Variants in HPSE2 observed in about 807,000 individuals in gnomAD.
HPSE2 encodes heparanase 2 (inactive), also known as inactive heparanase-2.
Under a neutral mutation model 60.5 loss-of-function variants are expected in HPSE2, and 38 were observed. The ratio of observed to expected loss-of-function variants is 0.63; its 90% CI spans 0.48 to 0.82. HPSE2 has a LOEUF of 0.82. Ranked by LOEUF, HPSE2 falls within the 40% of genes least tolerant of loss-of-function variation. HPSE2 has a pLI of 0.00. For missense variants in HPSE2, 713 were observed against 740.4 expected (o/e 0.96, Z 0.43); for synonymous variants, 295 against 293.2 (o/e 1.01, Z -0.06).
At chr10:98,749,059 CA>C (rs1949693752) in intron 3 of HPSE2, among the ~76,000 whole-genome samples, 4 of 151,936 alleles carry the variant, frequency 2.6e-5, no homozygotes, top group Non-Finnish European at 5.9e-5. Flanking sequence ...AGAGAAGAAC[CA>C]GATTGTTTTT....
chr10:99,111,707 CTG>C (rs2135680278), intron 3 of HPSE2, among the ~76,000 whole-genome samples: 1 of 152,310 alleles, frequency 6.6e-6, no homozygotes, highest in East Asian at 1.9e-4. Context: ...TTGAAGAAAA[CTG>C]TGCTGCTATG....
chr10:98,687,507 T>C (rs1947947613), intron 6 of HPSE2, among the ~76,000 whole-genome samples: 1 of 152,220 alleles, frequency 6.6e-6, no homozygotes, highest in African/African-American at 2.4e-5. Context: ...TAAAGTCAGA[T>C]GATTAGCAAC....
rs11189888 is a variant in HPSE2 at position 98,937,956 on chromosome 10, T to A, written c.611-193900A>T. Among the ~76,000 whole-genome samples, 5 of 140,112 alleles carry A rather than the reference T, an allele frequency of 3.6e-5. 1 individual carries two copies. The East Asian group carries it at 8.2e-4, about 23-fold the overall frequency. The allele number at this position is 140,112 out of a possible 152,430, so 91.9% of individuals were successfully genotyped here. ...AAAAATCCACTGTTCTGCAGACACC[T>A]CTGCTGATACCCAGGCAAACAGGGT... On this transcript the variant is annotated intron_variant, in intron 3 of 11. Transcript: ENST00000370552.
chr10:98,548,381 C>A (rs1943757208), intron 9 of HPSE2, among the ~76,000 whole-genome samples: 1 of 152,120 alleles, frequency 6.6e-6, no homozygotes, highest in Non-Finnish European at 1.5e-5. Flanking sequence ...CTTTGGGAGG[C>A]CGAGTTGGGC....
intron 5 of HPSE2, among the ~76,000 whole-genome samples, chr10:98,696,655 C>G (rs1036825190): frequency 2.0e-5 from 3 of 152,234 alleles, no homozygotes; most frequent in Admixed American, 6.5e-5. Flanking sequence ...TCTGCTTAAG[C>G]CTGCTGACCT....
chr10:99,259,328 C>T, the HPSE2 span, among the ~76,000 whole-genome samples: 1 of 143,488 alleles, frequency 7.0e-6, no homozygotes, highest in African/African-American at 2.5e-5. Context: ...AAAAAAGACA[C>T]TGTTAGGAGG....
intron 3 of HPSE2, among the ~76,000 whole-genome samples, chr10:98,830,993 C>G (rs1951670832): frequency 6.6e-6 from 1 of 152,150 alleles, no homozygotes; most frequent in Non-Finnish European, 1.5e-5. Context: ...GTAATGAGTT[C>G]TATGTCTTAA....
At chr10:98,982,729 T>C (rs1379443223) in intron 3 of HPSE2, among the ~76,000 whole-genome samples, 2 of 152,036 alleles carry the variant, frequency 1.3e-5, no homozygotes, top group Non-Finnish European at 2.9e-5. Context: ...ACAAGGAAAA[T>C]AAACTGTGCT....
chr10:99,230,488 G>A (rs1023218744), intron 2 of HPSE2, among the ~76,000 whole-genome samples: 2 of 151,968 alleles, frequency 1.3e-5, no homozygotes, highest in East Asian at 1.9e-4. Flanking sequence ...GGCCCCTAAC[G>A]TGATAGAGGA....
chr10:99,189,766 T>A (rs1428613718), intron 2 of HPSE2, among the ~76,000 whole-genome samples: 2 of 152,248 alleles, frequency 1.3e-5, no homozygotes, highest in African/African-American at 4.8e-5. Context: ...GGGCTCTGAC[T>A]GTGGGTCTAA....
intron 2 of HPSE2, among the ~76,000 whole-genome samples, chr10:99,183,188 T>G (rs1208404608): frequency 2.6e-5 from 4 of 151,890 alleles, no homozygotes; most frequent in Admixed American, 2.6e-4. Context: ...GGAAACACAA[T>G]TCAGAGTTAA....
chr10:98,923,021 G>T (rs1264774326), intron 3 of HPSE2, among the ~76,000 whole-genome samples: 2 of 152,096 alleles, frequency 1.3e-5, no homozygotes, highest in Non-Finnish European at 2.9e-5. Context: ...ATATCTTGTT[G>T]CTCAATAACA....
At chr10:98,486,577 C>T (rs914129394) in intron 10 of HPSE2, among the ~76,000 whole-genome samples, 1 of 152,008 alleles carries the variant, frequency 6.6e-6, no homozygotes, top group East Asian at 1.9e-4. Context: ...ATTGGAATAT[C>T]CTAAATGTAA....
chr10:98,988,466 C>T (rs1956432336), intron 3 of HPSE2, among the ~76,000 whole-genome samples: 2 of 151,472 alleles, frequency 1.3e-5, no homozygotes, highest in African/African-American at 4.8e-5. Context: ...AACTGGATCC[C>T]TTCCTTACAC....
At chr10:98,767,720 T>C (rs1474482261) in intron 3 of HPSE2, among the ~76,000 whole-genome samples, 1 of 145,522 alleles carries the variant, frequency 6.9e-6, no homozygotes, top group Non-Finnish European at 1.5e-5. Flanking sequence ...TAAATTCATA[T>C]ATAAACATAC....
chr10:99,144,119 A>C, intron 3 of HPSE2, 119 bp downstream of exon 3: 1 of 1,015,338 alleles, frequency 9.8e-7, no homozygotes, highest in Non-Finnish European at 1.5e-6. Context: ...TTGTAATAGA[A>C]AGACAAGTCA....
chr10:99,218,157 A>T (rs889321483), intron 2 of HPSE2, among the ~76,000 whole-genome samples: 4 of 151,894 alleles, frequency 2.6e-5, no homozygotes, highest in African/African-American at 9.7e-5. Flanking sequence ...AGATTGTACT[A>T]GTCTGGTCCC....
chr10:98,483,422 T>A (rs1941319941), intron 10 of HPSE2, among the ~76,000 whole-genome samples: 1 of 152,238 alleles, frequency 6.6e-6, no homozygotes, highest in South Asian at 2.1e-4. Context: ...AACTCATGTT[T>A]GAACATTTTT....
At chr10:99,243,243 C>G in the HPSE2 span, among the ~76,000 whole-genome samples, 1 of 151,912 alleles carries the variant, frequency 6.6e-6, no homozygotes, top group Non-Finnish European at 1.5e-5. Flanking sequence ...GTCCCAGCTA[C>G]TCGGGAGGCT....
Sources: allele counts gnomAD v4.1 joint callset (sites outside exome capture counted in the v4.1 genomes callset), GRCh38; gene constraint gnomAD v4.1.1; transcripts MANE v1.5; gene names NCBI Gene and HGNC (gene_info 2026-07-23, HGNC 2026-07-21).